Variants in MAP4K4 observed in about 807,000 individuals in gnomAD.
MAP4K4 encodes mitogen-activated protein kinase kinase kinase kinase 4.
A neutral mutation model predicts 189.6 loss-of-function variants in MAP4K4; 38 were observed. That is an observed-to-expected ratio of 0.20 (90% CI 0.15 to 0.26). The LOEUF (loss-of-function observed/expected upper bound fraction) is 0.26. MAP4K4 is among the 10% of genes least tolerant of loss of function. MAP4K4 has a pLI of 1.00. For missense variants in MAP4K4, 1,054 were observed against 1,726.9 expected, an observed-to-expected ratio of 0.61 and a Z score of 6.91; for synonymous variants, 610 against 624.3, an observed-to-expected ratio of 0.98 and a Z score of 0.34.
chr2:101,829,442 G>A, intron 5 of MAP4K4, 62 bp from the exon 6 acceptor site: 1 of 1,099,694 alleles, frequency 9.1e-7, no homozygotes, highest in Non-Finnish European at 1.4e-6. Context: ...TAAAAGGTGT[G>A]TTCCTGGCTG....
chr2:101,731,319 G>A (rs2058379509), intron 2 of MAP4K4, among the ~76,000 whole-genome samples: 1 of 151,664 alleles, frequency 6.6e-6, no homozygotes, highest in Non-Finnish European at 1.5e-5. Flanking sequence ...GTTTCACCAT[G>A]TTGGCCAGGC....
At chr2:101,718,516 G>C (rs2049784232) in intron 2 of MAP4K4, among the ~76,000 whole-genome samples, 1 of 147,470 alleles carries the variant, frequency 6.8e-6, no homozygotes, top group Non-Finnish European at 1.5e-5. Flanking sequence ...ATGTGGTTTG[G>C]CAGAGAGAAC....
At chr2:101,741,757 C>T (rs2062940672) in intron 2 of MAP4K4, among the ~76,000 whole-genome samples, 1 of 152,056 alleles carries the variant, frequency 6.6e-6, no homozygotes, top group African/African-American at 2.4e-5. Context: ...GCCAGCAGGC[C>T]CTGGGTTTGA....
exon 33 of MAP4K4, chr2:101,891,166 G>T: frequency 1.9e-6 from 3 of 1,613,366 alleles, no homozygotes; most frequent in Non-Finnish European, 2.5e-6. Context: ...GCTTTTGCAG[G>T]TGTTCTTTGC....
At chr2:101,753,270 T>C (rs2070191959) in intron 2 of MAP4K4, among the ~76,000 whole-genome samples, 1 of 152,224 alleles carries the variant, frequency 6.6e-6, no homozygotes, top group African/African-American at 2.4e-5. Flanking sequence ...CAGATTTGCC[T>C]TTGATTTAAA....
chr2:101,847,168 A>G (rs757316941), intron 12 of MAP4K4, among the ~76,000 whole-genome samples: 4 of 151,996 alleles, frequency 2.6e-5, no homozygotes, highest in Admixed American at 6.5e-5. Flanking sequence ...TTGTAGCGCA[A>G]CCTGTTACTC....
At chr2:101,790,325 GA>G (rs1312045701) in intron 2 of MAP4K4, among the ~76,000 whole-genome samples, 1 of 149,302 alleles carries the variant, frequency 6.7e-6, no homozygotes, top group Non-Finnish European at 1.5e-5. Context: ...ATGATTTGTA[GA>G]AAAAAAAAGT....
chr2:101,881,823 G>C (rs562256233), intron 27 of MAP4K4, among the ~76,000 whole-genome samples: 1 of 152,298 alleles, frequency 6.6e-6, no homozygotes. Context: ...GTGTGTGGCT[G>C]ACGTTGCCCC....
intron 15 of MAP4K4, 184 bp downstream of exon 15, chr2:101,860,048 G>C (rs2097590341): frequency 1.6e-6 from 1 of 644,026 alleles, no homozygotes; most frequent in Non-Finnish European, 2.7e-6. Flanking sequence ...TTCATATTCA[G>C]TCAGTGCTTT....
At chr2:101,835,188 A>G (rs757369959) in intron 8 of MAP4K4, among the ~76,000 whole-genome samples, 24 of 152,350 alleles carry the variant, frequency 1.6e-4, no homozygotes, top group South Asian at 6.2e-4. Context: ...TCCCTCTAAG[A>G]AAGTAAGGCA....
intron 3 of MAP4K4, among the ~76,000 whole-genome samples, chr2:101,821,073 A>G (rs771146436): frequency 5.9e-5 from 9 of 152,130 alleles, no homozygotes; most frequent in African/African-American, 9.7e-5. Context: ...TTTAGAATTA[A>G]GATGGTTATC....
exon 31 of MAP4K4, chr2:101,887,882 T>C (rs780160074): frequency 1.9e-6 from 3 of 1,612,462 alleles, no homozygotes; most frequent in South Asian, 1.1e-5. Context: ...TAAACACATA[T>C]GGAAGGATCA....
chr2:101,718,044 G>A (rs1283629841), intron 2 of MAP4K4, among the ~76,000 whole-genome samples: 1 of 151,812 alleles, frequency 6.6e-6, no homozygotes, highest in Non-Finnish European at 1.5e-5. Context: ...ATCACCTGAG[G>A]TCAGGAGTTC....
intron 2 of MAP4K4, among the ~76,000 whole-genome samples, chr2:101,707,689 T>G (rs1200315387): frequency 2.5e-5 from 2 of 79,664 alleles, no homozygotes; most frequent in South Asian, 7.6e-4. Flanking sequence ...AGTTTTTTTT[T>G]TTTGTTTTTT....
chr2:101,704,319 A>C (rs1236406782), intron 2 of MAP4K4, among the ~76,000 whole-genome samples: 2 of 152,004 alleles, frequency 1.3e-5, no homozygotes, highest in African/African-American at 2.4e-5. Context: ...CCCTGCTCTC[A>C]AAGAGTTTCA....
intron 2 of MAP4K4, among the ~76,000 whole-genome samples, chr2:101,731,662 G>C (rs1489229341): frequency 6.6e-6 from 1 of 151,644 alleles, no homozygotes; most frequent in East Asian, 2.0e-4. Flanking sequence ...GAGGTGGGAG[G>C]ATAGCTTGAG....
chr2:101,721,176 C>T (rs1442934016), intron 2 of MAP4K4, among the ~76,000 whole-genome samples: 1 of 152,140 alleles, frequency 6.6e-6, no homozygotes, highest in Non-Finnish European at 1.5e-5. Context: ...AGAATAAAAA[C>T]TGATACTAGA....
chr2:101,870,084 A>T (rs1349000728), intron 22 of MAP4K4: 1 of 626,544 alleles, frequency 1.6e-6, no homozygotes, highest in Non-Finnish European at 2.7e-6. Flanking sequence ...AATTAGCCAT[A>T]ATTATTCATT....
At chr2:101,753,879 T>A (rs1335401624) in intron 2 of MAP4K4, among the ~76,000 whole-genome samples, 1 of 152,166 alleles carries the variant, frequency 6.6e-6, no homozygotes, top group Admixed American at 6.5e-5. Context: ...TCAGGTTGAC[T>A]GTCTCTGTGG....
Sources: gnomAD v4.1 joint callset for allele counts (sites outside exome capture counted in the v4.1 genomes callset) on GRCh38, gnomAD v4.1.1 for gene constraint, MANE v1.5 for transcripts, NCBI Gene and HGNC (gene_info 2026-07-23, HGNC 2026-07-21) for gene names.